Variants in CCDC50 observed in about 807,000 individuals in gnomAD.
The protein encoded by CCDC50 is coiled-coil domain-containing protein 50.
In CCDC50, 54 loss-of-function variants were observed where a neutral mutation model predicts 70.2. That is an observed-to-expected ratio of 0.77 (90% CI 0.62 to 0.96). The LOEUF (loss-of-function observed/expected upper bound fraction) is 0.96, where lower values mean the gene tolerates loss of function less well. Ranked by LOEUF, CCDC50 falls within the 50% of genes least tolerant of loss-of-function variation. The pLI is 0.00. For missense variants in CCDC50, 558 were observed against 578.7 expected, an observed-to-expected ratio of 0.96 and a Z score of 0.37; for synonymous variants, 216 against 198.8, an observed-to-expected ratio of 1.09 and a Z score of -0.73.
At chr3:191,373,769 G>A (rs1473016914) in intron 5 of CCDC50, among the ~76,000 whole-genome samples, 1 of 152,038 alleles carries the variant, frequency 6.6e-6, no homozygotes, top group African/African-American at 2.4e-5. Flanking sequence ...AGACTGTTTA[G>A]AAAACAAATT....
chr3:191,382,788 G>A lies in CCDC50; in HGVS notation c.1285G>A (p.Asp429Asn), dbSNP rs1372742087. The A allele has an allele frequency of 4.3e-6, 7 of 1,613,014 alleles. No individual in the cohort carries two copies. The highest frequency in any genetic ancestry group is 5.9e-6 in the Non-Finnish European group (7 of 1,179,292). The change falls in exon 10 of 12, where the codon GAT becomes AAT. Residue 429 changes from aspartate to asparagine, a missense_variant. Coordinates refer to ENST00000392455, the MANE Select transcript of CCDC50 (RefSeq NM_178335.3). ...KAANSKSKES[D>N]EPHHSKNERP... ...AGCAAATTCCAAGTCAAAAGAGAGT[G>A]ATGAACCTCACCATTCTAAGAATGA... is the stretch of plus-strand genomic sequence containing the variant.
At chr3:191,346,964 T>C (rs1169657110) in intron 1 of CCDC50, among the ~76,000 whole-genome samples, 2 of 99,208 alleles carry the variant, frequency 2.0e-5, no homozygotes, top group African/African-American at 6.3e-5. Flanking sequence ...CAGTCTGCCA[T>C]TTAGGACCAT....
At position 191,392,074 on chromosome 3, in the gene CCDC50, G is replaced by T. The variant is rs115667820; in HGVS notation, c.*314G>T. ...ATGGAGTTTGGTATCTAGGGAGTAG[G>T]CCTTATTTAGCAATTCAAATTTTAT... On this transcript the variant is annotated 3_prime_UTR_variant, in exon 12 of 12. Transcript: ENST00000392455. 9.7e-4 allele frequency: 257 copies of T among 264,888 alleles called. 3 individuals carry two copies. The highest frequency in any genetic ancestry group is 5.3e-3 in the African/African-American group (241 of 45,652). 16.4% of individuals were successfully genotyped at this position (264,888 alleles called of 1,614,324 possible). A position where few individuals can be genotyped will look rare whatever the true frequency, so the allele number is the denominator to read the frequency against.
chr3:191,363,596 T>A (rs1280581715), intron 4 of CCDC50, among the ~76,000 whole-genome samples: 1 of 152,210 alleles, frequency 6.6e-6, no homozygotes, highest in Non-Finnish European at 1.5e-5. Flanking sequence ...TAGAGAGATA[T>A]GTGCTGCCTA....
rs767218061 is a variant in CCDC50 at position 191,380,888 on chromosome 3, G to A, written c.1198G>A (p.Glu400Lys). Residue 400 changes from glutamate to lysine, a missense_variant, in exon 9 of 12, where the codon GAG becomes AAG. By Grantham distance (56) the Glu-to-Lys change is moderately conservative. Coordinates refer to ENST00000392455, the MANE Select transcript of CCDC50 (RefSeq NM_178335.3). ...KKAYKKAKEREKSSLDKRKQD... is the reference protein window; with the variant it reads ...KKAYKKAKERKKSSLDKRKQD... ...AGCTTACAAAAAAGCCAAGGAGCGG[G>A]AGAAATCATCTTTGGACAAAAGAAA... 1 of 1,612,960 alleles carries A rather than the reference G, an allele frequency of 6.2e-7. No individual in the cohort carries two copies. Among genetic ancestry groups the A allele is most frequent in the South Asian group, 1.1e-5 (1 of 91,050 alleles).
chr3:191,370,567 C>T (rs1010216217), intron 5 of CCDC50, among the ~76,000 whole-genome samples: 3 of 151,478 alleles, frequency 2.0e-5, no homozygotes, highest in African/African-American at 7.3e-5. Context: ...GGGCTCACTG[C>T]AGCCTCCCTC....
intron 5 of CCDC50, among the ~76,000 whole-genome samples, chr3:191,372,898 T>C (rs1321124903): frequency 1.3e-5 from 2 of 152,112 alleles, no homozygotes; most frequent in Non-Finnish European, 2.9e-5. Context: ...CTAAATAAAA[T>C]GGAGATTATA....
At chr3:191,365,666 C>T (rs190412524) in intron 4 of CCDC50, among the ~76,000 whole-genome samples, 24 of 152,202 alleles carry the variant, frequency 1.6e-4, no homozygotes, top group East Asian at 1.4e-3. Context: ...TTAAATGGAA[C>T]GATTTTTTTC....
chr3:191,364,063 T>C (rs1374123412), intron 4 of CCDC50, among the ~76,000 whole-genome samples: 1 of 150,362 alleles, frequency 6.7e-6, no homozygotes, highest in Admixed American at 6.6e-5. Flanking sequence ...TAATGAACTC[T>C]CTTAGTTCTT....
chr3:191,357,948 C>T (rs1212343897), intron 2 of CCDC50, 50 bp from the exon 3 acceptor site: 1 of 1,612,012 alleles, frequency 6.2e-7, no homozygotes, highest in African/African-American at 1.3e-5. Flanking sequence ...GCATTTATTA[C>T]TAACAAACCA....
Position 191,329,639 on chromosome 3 carries a change from C to G in CCDC50, c.-36C>G. On this transcript the variant is annotated 5_prime_UTR_variant, in exon 1 of 12. Coordinates refer to ENST00000392455, the MANE Select transcript of CCDC50 (RefSeq NM_178335.3). ...CTCGGCGCCGGCGGTGACCGGGAAGCCCGCGTTAAAGGGGCAACCGGGACC... is the reference window on the plus strand; with the variant it reads ...CTCGGCGCCGGCGGTGACCGGGAAGGCCGCGTTAAAGGGGCAACCGGGACC... 1 of 1,595,138 alleles carries G rather than the reference C, an allele frequency of 6.3e-7. No individual in the cohort carries two copies. Among genetic ancestry groups the G allele is most frequent in the Non-Finnish European group, 8.5e-7 (1 of 1,172,264 alleles).
intron 6 of CCDC50, 46 bp from the exon 7 acceptor site, chr3:191,380,113 C>T (rs983144224): frequency 4.9e-6 from 6 of 1,212,396 alleles, no homozygotes; most frequent in South Asian, 1.4e-5. Flanking sequence ...TTTCAGAAAA[C>T]ATCCTCGGTT....
intron 1 of CCDC50, among the ~76,000 whole-genome samples, chr3:191,343,908 GTGTCTGTGACTA>G (rs1711819470): frequency 1.3e-5 from 2 of 152,184 alleles, no homozygotes; most frequent in Non-Finnish European, 2.9e-5. Flanking sequence ...TGTTCACTTT[GTGTCTGTGACTA>G]TATCTGCACA....
chr3:191,350,792 T>G (rs1712082391), intron 1 of CCDC50, among the ~76,000 whole-genome samples: 2 of 142,022 alleles, frequency 1.4e-5, no homozygotes, highest in Admixed American at 7.2e-5. Context: ...GTTCACTGTT[T>G]AGATTTGGTT....
intron 3 of CCDC50, 64 bp downstream of exon 3, chr3:191,358,188 G>C: frequency 6.3e-7 from 1 of 1,599,232 alleles, no homozygotes; most frequent in South Asian, 1.1e-5. Context: ...CTAGCAACCA[G>C]GGCAGGGGAG....
rs293812 is a variant in CCDC50 at position 191,380,119 on chromosome 3, C to T, written c.977-40C>T. The T allele has an allele frequency of 0.48, 582,971 of 1,224,330 alleles. 144,876 individuals carry two copies. Among genetic ancestry groups the T allele is most frequent in the African/African-American group, 0.8 (51,577 of 64,182 alleles). 75.8% of individuals were successfully genotyped at this position (1,224,330 alleles called of 1,614,324 possible). A position where few individuals can be genotyped will look rare whatever the true frequency, so the allele number is the denominator to read the frequency against. On this transcript the variant is annotated intron_variant, in intron 6 of 11. Coordinates refer to ENST00000392455, the MANE Select transcript of CCDC50 (RefSeq NM_178335.3). ...TTCTTAACTTTTCAGAAAACATCCT[C>T]GGTTGTTTTATTACATTGAGTTTTT...
intron 2 of CCDC50, 113 bp from the exon 3 acceptor site, chr3:191,357,885 T>C (rs1050498243): frequency 1.5e-6 from 2 of 1,300,682 alleles, no homozygotes; most frequent in African/African-American, 2.9e-5. Context: ...GACAATAAAA[T>C]GAAGTGATGG....
chr3:191,330,589 G>T (rs1451260460), intron 1 of CCDC50: 1 of 152,180 alleles, frequency 6.6e-6, no homozygotes, highest in Non-Finnish European at 1.5e-5. Flanking sequence ...GAGTGCTGAC[G>T]CAGACCCCTA....
chr3:191,334,802 G>A (rs546272629), intron 1 of CCDC50, among the ~76,000 whole-genome samples: 2 of 152,210 alleles, frequency 1.3e-5, no homozygotes, highest in South Asian at 4.1e-4. Context: ...TAAGACAGTA[G>A]AATGAAAATA....
Sources: allele counts gnomAD v4.1 joint callset (sites outside exome capture counted in the v4.1 genomes callset), GRCh38; gene constraint gnomAD v4.1.1; transcripts MANE v1.5; gene names NCBI Gene and HGNC (gene_info 2026-07-23, HGNC 2026-07-21).